The following NUFIP2 variants were observed in gnomAD, a reference collection of about 807,000 sequenced individuals.
NUFIP2 encodes the protein FMR1-interacting protein NUFIP2.
Under a neutral mutation model 56.9 loss-of-function variants are expected in NUFIP2, and 6 were observed. The observed-to-expected ratio is 0.11, with a 90% CI of 0.06 to 0.21. The LOEUF (loss-of-function observed/expected upper bound fraction) is 0.21. NUFIP2 is among the 10% of genes least tolerant of loss of function. The pLI, the probability that NUFIP2 is intolerant of heterozygous loss-of-function variation, is 1.00. For synonymous variants in NUFIP2, 321 were observed against 298.2 expected, an observed-to-expected ratio of 1.08 and a Z score of -0.79; for missense variants, 828 against 826.8, an observed-to-expected ratio of 1.00 and a Z score of -0.02.
chr17:29,292,885 G>GT (rs1555549646), intron 1 of NUFIP2, among the ~76,000 whole-genome samples: 3 of 146,324 alleles, frequency 2.1e-5, no homozygotes, highest in South Asian at 2.1e-4. Flanking sequence ...CGGCGACGGG[G>GT]GGGGGGGCGG....
chr17:29,275,761 C>G (rs1019333319), intron 2 of NUFIP2, among the ~76,000 whole-genome samples: 3 of 152,080 alleles, frequency 2.0e-5, no homozygotes, highest in Admixed American at 1.3e-4. Context: ...GGTGCAGTGG[C>G]TCACACCTGT....
In NUFIP2 at chr17:29,262,288, C is replaced by T. The variant is rs936266347; in HGVS notation, c.*2251G>A. ...GGCCCTAAGGCGACAAGTGGTTACA[C>T]AAGGCAATTGAACACACAGCAGAAC... On this transcript the variant is annotated 3_prime_UTR_variant, in exon 4 of 4. Transcript: ENST00000225388. 1.0e-4 allele frequency: 16 copies of T among 152,634 alleles called. 1 individual carries two copies. Among genetic ancestry groups the T allele is most frequent in the South Asian group, 6.2e-4 (3 of 4,822 alleles). The allele number at this position is 152,634 out of a possible 1,614,324, so 9.5% of individuals were successfully genotyped here.
chr17:29,275,096 GC>G (rs2069099449), intron 2 of NUFIP2, among the ~76,000 whole-genome samples: 1 of 151,722 alleles, frequency 6.6e-6, no homozygotes, highest in Non-Finnish European at 1.5e-5. Flanking sequence ...TCGGCTCACT[GC>G]AACCTCCACC....
At position 29,257,530 on chromosome 17, in the gene NUFIP2, TA is replaced by T. The variant is rs1269247036; in HGVS notation, c.*7008del. 1.3e-5 allele frequency: 2 copies of T among 152,018 alleles called. No individual in the cohort carries two copies. The highest frequency in any genetic ancestry group is 6.6e-5 in the Admixed American group (1 of 15,252). 9.4% of individuals were successfully genotyped at this position (152,018 alleles called of 1,614,324 possible). On this transcript the variant is annotated 3_prime_UTR_variant, in exon 4 of 4. Coordinates refer to ENST00000225388, the MANE Select transcript of NUFIP2 (RefSeq NM_020772.3). ...GGAAAATTCAGATCTTTTTTTTTTT[TA>T]ATGACAAGAATTGCACAGTTTATTA...
chr17:29,274,746 GTGA>G, intron 2 of NUFIP2, among the ~76,000 whole-genome samples: 1 of 152,260 alleles, frequency 6.6e-6, no homozygotes, highest in Middle Eastern at 3.4e-3. Context: ...GTACTAAATA[GTGA>G]TGATTCTTCC....
intron 1 of NUFIP2, among the ~76,000 whole-genome samples, chr17:29,288,314 G>T (rs1335944847): frequency 1.3e-5 from 2 of 152,260 alleles, no homozygotes; most frequent in Admixed American, 1.3e-4. Context: ...CGAAGTGCTA[G>T]GATTACAGGC....
intron 1 of NUFIP2, among the ~76,000 whole-genome samples, chr17:29,291,083 G>C (rs988177332): frequency 6.7e-6 from 1 of 148,628 alleles, no homozygotes; most frequent in Non-Finnish European, 1.5e-5. Context: ...ACTACATAAA[G>C]TTTTTCTCAT....
At chr17:29,272,113 GA>G (rs2069077881) in intron 2 of NUFIP2, among the ~76,000 whole-genome samples, 1 of 149,580 alleles carries the variant, frequency 6.7e-6, no homozygotes, top group African/African-American at 2.5e-5. Flanking sequence ...GGGGAGAAGA[GA>G]AGAGAAGAAA....
chr17:29,291,777 C>G (rs1480373630), intron 1 of NUFIP2, among the ~76,000 whole-genome samples: 1 of 152,234 alleles, frequency 6.6e-6, no homozygotes, highest in African/African-American at 2.4e-5. Context: ...TATATAGTCC[C>G]TAACAGTTTT....
chr17:29,271,215 GAAGC>G (rs1224235508), intron 2 of NUFIP2, among the ~76,000 whole-genome samples: 1 of 152,132 alleles, frequency 6.6e-6, no homozygotes. Context: ...AACTAGCTAT[GAAGC>G]AAGCCAAGCT....
At chr17:29,281,254 G>A (rs1410129844) in intron 2 of NUFIP2, among the ~76,000 whole-genome samples, 1 of 151,942 alleles carries the variant, frequency 6.6e-6, no homozygotes, top group Non-Finnish European at 1.5e-5. Flanking sequence ...CCTGAGAGGC[G>A]GAGGTTGCAG....
rs751882640 is a variant in NUFIP2, at chr17:29,262,340, C to A, written c.*2199G>T. Reference sequence around the variant, plus strand: ...TTAAAACCTGTAAAACAAACTGGAGCCTTTTTTCCCTTTAATCAACCTTAT... The same window carrying A: ...TTAAAACCTGTAAAACAAACTGGAGACTTTTTTCCCTTTAATCAACCTTAT... On this transcript the variant is annotated 3_prime_UTR_variant, in exon 4 of 4. Transcript: ENST00000225388. 6.6e-6 allele frequency: 1 copy of A among 152,376 alleles called. No homozygotes were observed. Among genetic ancestry groups the A allele is most frequent in the African/African-American group, 2.4e-5 (1 of 41,378 alleles). 9.4% of individuals were successfully genotyped at this position (152,376 alleles called of 1,614,324 possible).
intron 2 of NUFIP2, among the ~76,000 whole-genome samples, chr17:29,281,673 T>A (rs1317245290): frequency 8.1e-6 from 1 of 122,926 alleles, no homozygotes; most frequent in African/African-American, 3.2e-5. Context: ...TGGGTGACAA[T>A]GAGATCCTGT....
In NUFIP2 at chr17:29,259,292, A is replaced by G. The variant is rs1177810951; in HGVS notation, c.*5247T>C. 1.3e-5 allele frequency: 2 copies of G among 152,192 alleles called. No individual in the cohort carries two copies. Among genetic ancestry groups the G allele is most frequent in the African/African-American group, 4.8e-5 (2 of 41,444 alleles). The allele number at this position is 152,192 out of a possible 1,614,324, so 9.4% of individuals were successfully genotyped here. ...TTAGTTTAATAAGGCTGTAGAAAAG[A>G]GATACTTGGCCGGGCACGGTGGCTC... is the stretch of plus-strand genomic sequence containing the variant. On this transcript the variant is annotated 3_prime_UTR_variant, in exon 4 of 4. Coordinates refer to ENST00000225388, the MANE Select transcript of NUFIP2 (RefSeq NM_020772.3).
intron 2 of NUFIP2, among the ~76,000 whole-genome samples, chr17:29,271,810 C>G (rs1437780566): frequency 6.6e-6 from 1 of 151,792 alleles, no homozygotes; most frequent in South Asian, 2.1e-4. Flanking sequence ...GTGGCTCTCA[C>G]CTGTAATCCC....
intron 2 of NUFIP2, among the ~76,000 whole-genome samples, chr17:29,285,005 T>C (rs1021147399): frequency 1.3e-5 from 2 of 151,904 alleles, no homozygotes; most frequent in East Asian, 1.9e-4. Context: ...GCATATGATA[T>C]AAAAAGCAAA....
intron 1 of NUFIP2, among the ~76,000 whole-genome samples, chr17:29,289,849 A>G (rs997992724): frequency 3.3e-5 from 5 of 152,224 alleles, no homozygotes; most frequent in African/African-American, 1.2e-4. Context: ...CCAAGAAAAC[A>G]TACTCAAGGC....
At chr17:29,290,578 G>A (rs775875811) in intron 1 of NUFIP2, among the ~76,000 whole-genome samples, 3 of 151,224 alleles carry the variant, frequency 2.0e-5, no homozygotes, top group Middle Eastern at 3.4e-3. Flanking sequence ...GAATCCAGGA[G>A]GCAGAGGTTG....
intron 2 of NUFIP2, among the ~76,000 whole-genome samples, chr17:29,276,029 A>AAT (rs71135888): frequency 0.4 from 55,309 of 137,904 alleles, 11,474 homozygotes; most frequent in East Asian, 0.54. Context: ...CTCCGTCTCA[A>AAT]ATATATATAT....
Sources: allele counts gnomAD v4.1 joint callset (sites outside exome capture counted in the v4.1 genomes callset), GRCh38; gene constraint gnomAD v4.1.1; transcripts MANE v1.5; gene names NCBI Gene and HGNC (gene_info 2026-07-23, HGNC 2026-07-21).